The following TENM3 variants were observed in gnomAD, a reference collection of about 807,000 sequenced individuals.
TENM3 encodes teneurin-3.
A neutral mutation model predicts 255.1 loss-of-function variants in TENM3; 63 were observed. The ratio of observed to expected loss-of-function variants is 0.25; its 90% CI spans 0.20 to 0.30. The LOEUF (loss-of-function observed/expected upper bound fraction) is 0.30, where lower values mean the gene tolerates loss of function less well. TENM3 is among the 10% of genes least tolerant of loss of function. The pLI, the probability that TENM3 is intolerant of heterozygous loss-of-function variation, is 1.00. For missense variants in TENM3, 2,929 were observed against 3,461.1 expected, an observed-to-expected ratio of 0.85 and a Z score of 3.86; for synonymous variants, 1,306 against 1,322.3, an observed-to-expected ratio of 0.99 and a Z score of 0.27.
At chr4:181,911,770 G>A in the TENM3 span, among the ~76,000 whole-genome samples, 1 of 152,164 alleles carries the variant, frequency 6.6e-6, no homozygotes, top group Non-Finnish European at 1.5e-5. Context: ...AGACACAGAT[G>A]TTCTTATATA....
intron 1 of TENM3, among the ~76,000 whole-genome samples, chr4:182,256,475 A>G (rs972952074): frequency 2.0e-5 from 3 of 152,224 alleles, no homozygotes; most frequent in Admixed American, 1.3e-4. Context: ...ATTTGCTGCT[A>G]TATCCTACAG....
the TENM3 span, among the ~76,000 whole-genome samples, chr4:182,055,523 C>G: frequency 2.0e-5 from 3 of 152,206 alleles, no homozygotes; most frequent in East Asian, 3.9e-4. Context: ...ATCCTTGCCT[C>G]CTTCTGCTCT....
the TENM3 span, among the ~76,000 whole-genome samples, chr4:181,787,937 G>A: frequency 1.3e-5 from 2 of 152,136 alleles, no homozygotes; most frequent in Admixed American, 1.3e-4. Flanking sequence ...CAAGGCTGCA[G>A]TAAGCTGAGA....
At chr4:181,777,359 A>G in the TENM3 span, among the ~76,000 whole-genome samples, 3 of 152,046 alleles carry the variant, frequency 2.0e-5, no homozygotes, top group African/African-American at 7.2e-5. Context: ...CTCCAGCTTC[A>G]TTCTTTTTGC....
chr4:182,161,815 G>GTGTA (rs1751302470), intron 1 of TENM3, among the ~76,000 whole-genome samples: 2 of 30,404 alleles, frequency 6.6e-5, no homozygotes, highest in South Asian at 2.2e-3. Context: ...ACATATATAT[G>GTGTA]TATATATATA....
At chr4:182,689,145 T>C (rs1453615342) in intron 12 of TENM3, among the ~76,000 whole-genome samples, 1 of 152,246 alleles carries the variant, frequency 6.6e-6, no homozygotes, top group Non-Finnish European at 1.5e-5. Flanking sequence ...TAAATTTCTA[T>C]ATCACTTCAG....
At chr4:181,790,028 G>T in the TENM3 span, among the ~76,000 whole-genome samples, 10 of 152,152 alleles carry the variant, frequency 6.6e-5, no homozygotes, top group Non-Finnish European at 1.3e-4. Context: ...TTTACAGTGG[G>T]TGGGTCAGAA....
chr4:181,809,794 G>A, the TENM3 span, among the ~76,000 whole-genome samples: 3 of 152,078 alleles, frequency 2.0e-5, no homozygotes, highest in Non-Finnish European at 4.4e-5. Context: ...AAGCAAGAAC[G>A]CCCAAGGCAG....
At chr4:182,021,565 C>A in the TENM3 span, among the ~76,000 whole-genome samples, 4 of 152,098 alleles carry the variant, frequency 2.6e-5, no homozygotes, top group Non-Finnish European at 5.9e-5. Context: ...CATTCTTTAC[C>A]ATTAAAGAAT....
At chr4:181,819,601 C>T in the TENM3 span, among the ~76,000 whole-genome samples, 1 of 152,164 alleles carries the variant, frequency 6.6e-6, no homozygotes, top group Non-Finnish European at 1.5e-5. Flanking sequence ...GACAATTTTC[C>T]ACAGATGGAG....
At chr4:182,094,250 C>CTT in the TENM3 span, among the ~76,000 whole-genome samples, 4 of 145,924 alleles carry the variant, frequency 2.7e-5, no homozygotes, top group Admixed American at 1.4e-4. Flanking sequence ...TCATTCTTTA[C>CTT]TTTTTTTTTT....
At chr4:181,641,550 GTGTGTATA>G in the TENM3 span, among the ~76,000 whole-genome samples, 14 of 49,044 alleles carry the variant, frequency 2.9e-4, no homozygotes, top group African/African-American at 1.5e-3. Flanking sequence ...TCCATGGTGT[GTGTGTATA>G]TATATATATA....
the TENM3 span, among the ~76,000 whole-genome samples, chr4:182,103,387 T>C: frequency 6.6e-6 from 1 of 152,248 alleles, no homozygotes; most frequent in African/African-American, 2.4e-5. Context: ...ATAATTAAGT[T>C]CAGAAAAACA....
chr4:181,614,744 C>A, the TENM3 span, among the ~76,000 whole-genome samples: 2 of 152,136 alleles, frequency 1.3e-5, no homozygotes, highest in African/African-American at 4.8e-5. Context: ...TTGAGGATTG[C>A]GAAAACTATC....
rs191810959 is a variant in TENM3 at position 182,190,492 on chromosome 4, T to C, written c.-76+45738T>C. Reference sequence around the variant, plus strand: ...GACGTCCTCTAAGTACCTCATTTCATGTGGTTCATGATAGCAGAGTGCTGC... The same window carrying C: ...GACGTCCTCTAAGTACCTCATTTCACGTGGTTCATGATAGCAGAGTGCTGC... On this transcript the variant is annotated intron_variant, in intron 1 of 2. Coordinates refer to the TENM3 transcript ENST00000512480. 1.2e-3 allele frequency: 178 copies of C among 152,334 alleles called. 1 individual carries two copies. The highest frequency in any genetic ancestry group is 3.8e-3 in the African/African-American group (156 of 41,570). 9.4% of individuals were successfully genotyped at this position (152,334 alleles called of 1,614,324 possible).
the TENM3 span, among the ~76,000 whole-genome samples, chr4:181,575,876 T>C: frequency 6.6e-6 from 1 of 152,224 alleles, no homozygotes; most frequent in Non-Finnish European, 1.5e-5. Flanking sequence ...TTTCCCAGCC[T>C]TCCTTGCAGT....
chr4:182,701,456 G>A (rs1220154388), intron 12 of TENM3, among the ~76,000 whole-genome samples: 5 of 151,744 alleles, frequency 3.3e-5, no homozygotes, highest in African/African-American at 4.8e-5. Flanking sequence ...TCCTGACCTC[G>A]TGATCCGCCC....
At chr4:182,110,695 G>C in the TENM3 span, among the ~76,000 whole-genome samples, 3 of 152,156 alleles carry the variant, frequency 2.0e-5, no homozygotes, top group Non-Finnish European at 2.9e-5. Flanking sequence ...TGGAAAAGAG[G>C]TTGATGGTAA....
chr4:181,522,100 C>CAAAAAAAAAAAA, the TENM3 span, among the ~76,000 whole-genome samples: 10 of 54,728 alleles, frequency 1.8e-4, no homozygotes, highest in Non-Finnish European at 2.5e-4. Flanking sequence ...GACTCCGTCT[C>CAAAAAAAAAAAA]AAAAAAAAAA....
Sources: allele counts gnomAD v4.1 joint callset (sites outside exome capture counted in the v4.1 genomes callset), GRCh38; gene constraint gnomAD v4.1.1; transcripts MANE v1.5; gene names NCBI Gene and HGNC (gene_info 2026-07-23, HGNC 2026-07-21).